Variants in SH3GLB1 observed in about 807,000 individuals in gnomAD.
SH3GLB1 encodes endophilin-B1.
A neutral mutation model predicts 42.0 loss-of-function variants in SH3GLB1; 17 were observed. The observed-to-expected ratio is 0.40, with a 90% CI of 0.28 to 0.61. The LOEUF is 0.61. SH3GLB1 is among the 20% of genes least tolerant of loss of function. The pLI, the probability that SH3GLB1 is intolerant of heterozygous loss-of-function variation, is 0.36. For synonymous variants in SH3GLB1, 132 were observed against 146.6 expected, an observed-to-expected ratio of 0.90 and a Z score of 0.72; for missense variants, 355 against 426.3, an observed-to-expected ratio of 0.83 and a Z score of 1.47.
intron 7 of SH3GLB1, among the ~76,000 whole-genome samples, chr1:86,739,871 G>A (rs1053731413): frequency 2.0e-5 from 3 of 152,194 alleles, no homozygotes; most frequent in Middle Eastern, 3.4e-3. Context: ...CTGGCCAGGC[G>A]CAGTGGCTCA....
At chr1:86,716,451 G>C (rs762443473) in intron 2 of SH3GLB1, among the ~76,000 whole-genome samples, 5 of 151,458 alleles carry the variant, frequency 3.3e-5, no homozygotes, top group Non-Finnish European at 7.4e-5. Flanking sequence ...ATTTTTTTTT[G>C]TGTGTGTGTC....
chr1:86,712,764 TAAAAA>T (rs370562019), intron 1 of SH3GLB1, among the ~76,000 whole-genome samples: 1 of 146,396 alleles, frequency 6.8e-6, no homozygotes, highest in African/African-American at 2.5e-5. Context: ...CTAAAATAGT[TAAAAA>T]AAAAAAACCT....
At chr1:86,742,163 T>A in intron 7 of SH3GLB1, 45 bp from the exon 8 acceptor site, 2 of 1,495,200 alleles carry the variant, frequency 1.3e-6, no homozygotes, top group Non-Finnish European at 1.9e-6. Flanking sequence ...ATTAAGGAGC[T>A]TTAGTCACTT....
chr1:86,734,513 C>G, intron 5 of SH3GLB1, 89 bp from the exon 6 acceptor site: 2 of 903,578 alleles, frequency 2.2e-6, no homozygotes, highest in Non-Finnish European at 3.4e-6. Flanking sequence ...GAGGTTTGTT[C>G]GGGGGATTTT....
chr1:86,705,008 C>T (rs745896339), intron 1 of SH3GLB1, 37 bp downstream of exon 1: 26 of 1,453,144 alleles, frequency 1.8e-5, no homozygotes, highest in Non-Finnish European at 2.4e-5. Flanking sequence ...GTGGCGGCGC[C>T]CGGGAAGGTT....
In SH3GLB1 at chr1:86,747,701, A is replaced by G. The variant is rs1221852360; in HGVS notation, c.*4466A>G. 9 of 152,220 alleles carry G rather than the reference A, an allele frequency of 5.9e-5. No individual in the cohort carries two copies. The highest frequency in any genetic ancestry group is 1.2e-4 in the Non-Finnish European group (8 of 68,044). The allele number at this position is 152,220 out of a possible 1,614,324, so 9.4% of individuals were successfully genotyped here. A position where few individuals can be genotyped will look rare whatever the true frequency, so the allele number is the denominator to read the frequency against. On this transcript the variant is annotated 3_prime_UTR_variant, in exon 9 of 9. Transcript: ENST00000370558. Reference sequence around the variant, plus strand: ...TTTTCACTCAACACAGTGCCTTTTAATTGGTGACTAACATCAAAACACCTT... The same window carrying G: ...TTTTCACTCAACACAGTGCCTTTTAGTTGGTGACTAACATCAAAACACCTT...
chr1:86,734,514 G>A (rs1346090611), intron 5 of SH3GLB1, 88 bp from the exon 6 acceptor site: 5 of 915,016 alleles, frequency 5.5e-6, no homozygotes, highest in African/African-American at 3.4e-5. Context: ...AGGTTTGTTC[G>A]GGGGATTTTT....
intron 1 of SH3GLB1, 46 bp downstream of exon 1, chr1:86,705,017 T>G: frequency 7.4e-7 from 1 of 1,344,416 alleles, no homozygotes; most frequent in African/African-American, 1.5e-5. Context: ...CCCGGGAAGG[T>G]TGAGGGAGGG....
chr1:86,743,084 AT>A, intron 8 of SH3GLB1, 43 bp from the exon 9 acceptor site: 1 of 1,462,180 alleles, frequency 6.8e-7, no homozygotes, highest in Non-Finnish European at 9.5e-7. Context: ...CTACTTGTTT[AT>A]TTTTTTAATG....
In SH3GLB1 at chr1:86,747,363, G is replaced by C. The variant is rs1244252229; in HGVS notation, c.*4128G>C. On this transcript the variant is annotated 3_prime_UTR_variant, in exon 9 of 9. Coordinates refer to ENST00000370558, the MANE Select transcript of SH3GLB1 (RefSeq NM_016009.5). The stretch of plus-strand genomic sequence containing the variant: ...TGAGAGTGGAGCCCAGCAATCTGTT[G>C]TAAAAGCTGTTTGAGTAATACTGTT... 2 of 152,456 alleles carry C rather than the reference G, an allele frequency of 1.3e-5. No homozygotes were observed. The highest frequency in any genetic ancestry group is 2.4e-5 in the African/African-American group (1 of 41,448). The allele number at this position is 152,456 out of a possible 1,614,324, so 9.4% of individuals were successfully genotyped here. A position where few individuals can be genotyped will look rare whatever the true frequency, so the allele number is the denominator to read the frequency against.
At chr1:86,717,689 T>C (rs761679876) in intron 2 of SH3GLB1, among the ~76,000 whole-genome samples, 2 of 152,172 alleles carry the variant, frequency 1.3e-5, no homozygotes, top group African/African-American at 4.8e-5. Context: ...CCCAAAGCGC[T>C]GGGATTACAC....
intron 5 of SH3GLB1, among the ~76,000 whole-genome samples, chr1:86,725,978 T>C (rs758478279): frequency 1.3e-5 from 2 of 152,140 alleles, no homozygotes; most frequent in African/African-American, 2.4e-5. Flanking sequence ...CTAAACAGAC[T>C]ATCTGCAGCA....
intron 8 of SH3GLB1, 77 bp from the exon 9 acceptor site, chr1:86,743,051 T>C (rs1318519210): frequency 6.1e-6 from 7 of 1,141,944 alleles, no homozygotes; most frequent in South Asian, 1.4e-5. Flanking sequence ...TTAAACAAAT[T>C]AAATACAAAT....
intron 5 of SH3GLB1, chr1:86,730,352 A>G: frequency 1.0e-6 from 1 of 985,418 alleles, no homozygotes; most frequent in Non-Finnish European, 1.2e-6. Context: ...TACCTGTTAT[A>G]CTAAGTGGTA....
At position 86,744,727 on chromosome 1, in the gene SH3GLB1, A is replaced by C. The variant is rs1656218397; in HGVS notation, c.*1492A>C. The C allele has an allele frequency of 6.6e-6, 1 of 152,244 alleles. No homozygotes were observed. The highest frequency in any genetic ancestry group is 6.5e-5 in the Admixed American group (1 of 15,280). The allele number at this position is 152,244 out of a possible 1,614,324, so 9.4% of individuals were successfully genotyped here. ...AAATGAATACTTAAACACCGTTTTA[A>C]AATTTTGTGTTAAGAGCTCCTAATA... On this transcript the variant is annotated 3_prime_UTR_variant, in exon 9 of 9. Coordinates refer to ENST00000370558, the MANE Select transcript of SH3GLB1 (RefSeq NM_016009.5).
intron 3 of SH3GLB1, among the ~76,000 whole-genome samples, chr1:86,721,586 A>G (rs1654860034): frequency 1.3e-5 from 2 of 152,186 alleles, no homozygotes; most frequent in Non-Finnish European, 2.9e-5. Flanking sequence ...TCTACTTTGT[A>G]CTGTACTTGC....
At chr1:86,716,165 A>G (rs1043914576) in intron 2 of SH3GLB1, among the ~76,000 whole-genome samples, 1 of 152,230 alleles carries the variant, frequency 6.6e-6, no homozygotes, top group Non-Finnish European at 1.5e-5. Context: ...TTCCTTTTTC[A>G]TCTAGGGAAG....
intron 7 of SH3GLB1, among the ~76,000 whole-genome samples, chr1:86,736,365 A>T (rs550361581): frequency 1.3e-5 from 2 of 152,334 alleles, no homozygotes; most frequent in African/African-American, 4.8e-5. Context: ...CTTGGCCTAG[A>T]ATAAAATTGA....
chr1:86,725,670 A>T (rs1159811011), intron 5 of SH3GLB1, among the ~76,000 whole-genome samples: 1 of 152,182 alleles, frequency 6.6e-6, no homozygotes, highest in Non-Finnish European at 1.5e-5. Context: ...ATATTACCAC[A>T]GTGCTGGTAC....
Sources: allele counts gnomAD v4.1 joint callset (sites outside exome capture counted in the v4.1 genomes callset), GRCh38; gene constraint gnomAD v4.1.1; transcripts MANE v1.5; gene names NCBI Gene and HGNC (gene_info 2026-07-23, HGNC 2026-07-21).